ESRRG: variants seen among roughly 807,000 people sequenced by gnomAD.
ESRRG encodes the protein estrogen-related receptor gamma.
In ESRRG, 13 loss-of-function variants were observed where a neutral mutation model predicts 44.0. The ratio of observed to expected loss-of-function variants is 0.30; its 90% CI spans 0.19 to 0.47. The LOEUF (loss-of-function observed/expected upper bound fraction) is 0.47, where lower values mean the gene tolerates loss of function less well. Among genes scored for constraint, ESRRG ranks in the 20% least tolerant of loss-of-function variants. The pLI is 1.00. For missense variants in ESRRG, 395 were observed against 580.6 expected (o/e 0.68, Z 3.29); for synonymous variants, 215 against 214.6 (o/e 1.00, Z -0.02).
intron 6 of ESRRG, among the ~76,000 whole-genome samples, chr1:216,517,419 C>G (rs1352953202): frequency 1.3e-5 from 2 of 152,166 alleles, no homozygotes; most frequent in Non-Finnish European, 2.9e-5. Flanking sequence ...ATAAAGTACA[C>G]ATCCAATATC....
chr1:216,535,613 C>T (rs1218735639), intron 5 of ESRRG, among the ~76,000 whole-genome samples: 2 of 152,098 alleles, frequency 1.3e-5, no homozygotes, highest in African/African-American at 4.8e-5. Flanking sequence ...GAAGGCCTTT[C>T]CTATGTTCTC....
chr1:216,805,578 A>C (rs1213748471), intron 2 of ESRRG, among the ~76,000 whole-genome samples: 2 of 152,142 alleles, frequency 1.3e-5, no homozygotes, highest in Non-Finnish European at 1.5e-5. Flanking sequence ...CATAAATATC[A>C]CACTGTCCAA....
chr1:217,042,810 G>A (rs1188179530), intron 1 of ESRRG, among the ~76,000 whole-genome samples: 1 of 152,088 alleles, frequency 6.6e-6, no homozygotes, highest in Non-Finnish European at 1.5e-5. Flanking sequence ...ATTTGGCAAG[G>A]AGTGGTGAAC....
chr1:216,794,309 G>T (rs1296278027), intron 2 of ESRRG, among the ~76,000 whole-genome samples: 1 of 152,154 alleles, frequency 6.6e-6, no homozygotes, highest in East Asian at 1.9e-4. Context: ...AGTTCCTAAA[G>T]GTAAGTATCA....
intron 1 of ESRRG, among the ~76,000 whole-genome samples, chr1:217,113,183 T>G (rs947669111): frequency 2.0e-5 from 3 of 152,164 alleles, no homozygotes; most frequent in African/African-American, 7.2e-5. Context: ...AGACATGGGC[T>G]TTTTTCTGTT....
intron 2 of ESRRG, among the ~76,000 whole-genome samples, chr1:216,857,909 C>T (rs1403905545): frequency 6.6e-6 from 1 of 152,178 alleles, no homozygotes; most frequent in Non-Finnish European, 1.5e-5. Context: ...ACTAACATTT[C>T]CCCCATGGTA....
intron 2 of ESRRG, among the ~76,000 whole-genome samples, chr1:216,657,938 C>G (rs545502292): frequency 3.3e-5 from 5 of 152,292 alleles, no homozygotes; most frequent in Admixed American, 3.3e-4. Flanking sequence ...AAGAGGCATA[C>G]AGCATAGCGG....
intron 5 of ESRRG, among the ~76,000 whole-genome samples, chr1:216,562,252 C>T (rs1289497164): frequency 6.6e-6 from 1 of 152,126 alleles, no homozygotes; most frequent in African/African-American, 2.4e-5. Context: ...GCTTTTCACG[C>T]TGTTGTTAAT....
At chr1:216,736,243 C>A (rs1272393026) in intron 2 of ESRRG, among the ~76,000 whole-genome samples, 3 of 138,470 alleles carry the variant, frequency 2.2e-5, no homozygotes, top group Non-Finnish European at 4.5e-5. Flanking sequence ...AGTGCAGTGG[C>A]GCTGTCTCTA....
intron 4 of ESRRG, among the ~76,000 whole-genome samples, chr1:216,566,690 A>G (rs1389545931): frequency 6.6e-6 from 1 of 152,202 alleles, no homozygotes; most frequent in African/African-American, 2.4e-5. Context: ...GTATTATCAG[A>G]GAGGTTTTTT....
At chr1:216,948,536 G>C (rs780507835) in intron 1 of ESRRG, among the ~76,000 whole-genome samples, 8 of 150,496 alleles carry the variant, frequency 5.3e-5, no homozygotes, top group African/African-American at 9.8e-5. Flanking sequence ...CTAATATTAG[G>C]TAATAGTCAT....
intron 2 of ESRRG, among the ~76,000 whole-genome samples, chr1:216,826,221 A>C (rs2148676507): frequency 6.6e-6 from 1 of 151,912 alleles, no homozygotes; most frequent in South Asian, 2.1e-4. Context: ...ACACACCCAT[A>C]GGGACATACG....
intron 5 of ESRRG, among the ~76,000 whole-genome samples, chr1:216,554,369 C>A (rs1263784660): frequency 6.6e-6 from 1 of 151,712 alleles, no homozygotes; most frequent in Non-Finnish European, 1.5e-5. Context: ...CAGGAGAATC[C>A]TTTGAACCCA....
intron 5 of ESRRG, among the ~76,000 whole-genome samples, chr1:216,563,827 G>C (rs1012920635): frequency 6.6e-6 from 1 of 152,136 alleles, no homozygotes; most frequent in Non-Finnish European, 1.5e-5. Flanking sequence ...CAAAACTAGT[G>C]ATTCTTAGTT....
chr1:216,561,881 A>C (rs2058812195), intron 5 of ESRRG, among the ~76,000 whole-genome samples: 1 of 152,114 alleles, frequency 6.6e-6, no homozygotes, highest in Non-Finnish European at 1.5e-5. Context: ...GTCAGTCCCC[A>C]CCAATTCTAA....
At chr1:216,762,051 G>A (rs1334190681) in intron 2 of ESRRG, among the ~76,000 whole-genome samples, 2 of 152,084 alleles carry the variant, frequency 1.3e-5, no homozygotes, top group Non-Finnish European at 2.9e-5. Flanking sequence ...AACACTCTAG[G>A]ATGGGTGTTA....
chr1:216,810,447 C>G (rs2094932468), intron 2 of ESRRG, among the ~76,000 whole-genome samples: 1 of 151,616 alleles, frequency 6.6e-6, no homozygotes. Flanking sequence ...GATGGCAAGA[C>G]AGTACACAAG....
At chr1:217,071,601 C>T (rs830331) in intron 1 of ESRRG, among the ~76,000 whole-genome samples, 5,540 of 152,218 alleles carry the variant, frequency 0.036, 123 homozygotes, top group East Asian at 0.052. Context: ...ATTAATGGCA[C>T]CTTGACTAAC....
At chr1:217,126,156 A>G (rs533216155) in intron 1 of ESRRG, among the ~76,000 whole-genome samples, 22 of 152,090 alleles carry the variant, frequency 1.4e-4, no homozygotes, top group South Asian at 8.4e-4. Flanking sequence ...AGTAATCTCT[A>G]AGCCTCACTT....
Sources: allele counts gnomAD v4.1 joint callset (sites outside exome capture counted in the v4.1 genomes callset), GRCh38; gene constraint gnomAD v4.1.1; transcripts MANE v1.5; gene names NCBI Gene and HGNC (gene_info 2026-07-23, HGNC 2026-07-21).